DGKG: variants seen among roughly 807,000 people sequenced by gnomAD.
The protein encoded by DGKG is DAG kinase gamma.
A neutral mutation model predicts 105.3 loss-of-function variants in DGKG; 78 were observed. The ratio of observed to expected loss-of-function variants is 0.74; its 90% CI spans 0.62 to 0.89. DGKG has a LOEUF of 0.89. Among genes scored for constraint, DGKG ranks in the 40% least tolerant of loss-of-function variants. The pLI is 0.00. For synonymous variants in DGKG, 346 were observed against 367.1 expected, an observed-to-expected ratio of 0.94 and a Z score of 0.66; for missense variants, 958 against 1,020.1, an observed-to-expected ratio of 0.94 and a Z score of 0.83.
intron 3 of DGKG, among the ~76,000 whole-genome samples, chr3:186,304,053 G>C (rs1410731065): frequency 1.3e-5 from 2 of 152,206 alleles, no homozygotes; most frequent in African/African-American, 2.4e-5. Context: ...ACAAAAAGTG[G>C]GGGCCAGCCC....
chr3:186,207,393 G>A, intron 21 of DGKG: 2 of 942,844 alleles, frequency 2.1e-6, no homozygotes, highest in Non-Finnish European at 2.5e-6. Flanking sequence ...CTGATCACTT[G>A]TAGGTTATGG....
Position 186,211,870 on chromosome 3 carries a change from C to T in DGKG, c.1842G>A (p.Leu614=). The change falls in exon 21 of 25, where the codon CTG becomes CTA. Residue 614 remains leucine (L), a synonymous_variant. Coordinates refer to ENST00000265022, the MANE Select transcript of DGKG (RefSeq NM_001346.3). ...EKFNSRMKNK[L]WYFEFGTSET... ...CCGAGGTGCCAAATTCAAAGTACCACAGCTTGTTCTTCATCCTGGACCACA... is the reference window on the plus strand; with the variant it reads ...CCGAGGTGCCAAATTCAAAGTACCATAGCTTGTTCTTCATCCTGGACCACA... 1 of 1,614,064 alleles carries T rather than the reference C, an allele frequency of 6.2e-7. No homozygotes were observed.
In DGKG at chr3:186,299,834, T is replaced by C. The variant is rs9883787; in HGVS notation, c.145-1605A>G. On this transcript the variant is annotated intron_variant, in intron 3 of 24. Coordinates refer to ENST00000265022, the MANE Select transcript of DGKG (RefSeq NM_001346.3). ...CTTTCTTTCTTTCTTTCTTTCTTTC[T>C]TTCTTTTTTTTTTTTTTTGAGATAG... 4.4e-4 allele frequency among the ~76,000 whole-genome samples: 50 copies of C among 112,882 alleles called. 2 individuals carry two copies. The highest frequency in any genetic ancestry group is 1.7e-3 in the African/African-American group (49 of 28,074). The allele number at this position is 112,882 out of a possible 152,430, so 74.1% of individuals were successfully genotyped here.
At chr3:186,280,104 G>C in intron 8 of DGKG, 131 bp from the exon 9 acceptor site, 1 of 1,197,730 alleles carries the variant, frequency 8.3e-7, no homozygotes, top group Non-Finnish European at 1.2e-6. Context: ...TGTTAAGTGT[G>C]AATAGAGCAG....
intron 9 of DGKG, among the ~76,000 whole-genome samples, chr3:186,278,703 G>A (rs542665300): frequency 1.3e-5 from 2 of 152,264 alleles, no homozygotes; most frequent in Admixed American, 6.5e-5. Flanking sequence ...TCAGAAATGG[G>A]GGCTCAGCTT....
At chr3:186,299,840 T>TCTCTC (rs1553815789) in intron 3 of DGKG, among the ~76,000 whole-genome samples, 2 of 80,726 alleles carry the variant, frequency 2.5e-5, no homozygotes, top group African/African-American at 1.0e-4. Context: ...TTTCTTTCTT[T>TCTCTC]TTTTTTTTTT....
intron 5 of DGKG, among the ~76,000 whole-genome samples, chr3:186,292,746 T>G (rs1442830734): frequency 6.6e-6 from 1 of 151,806 alleles, no homozygotes; most frequent in Non-Finnish European, 1.5e-5. Flanking sequence ...AGGCAGAGGT[T>G]GCAGTGAACT....
At chr3:186,331,293 G>T (rs962880959) in intron 1 of DGKG, among the ~76,000 whole-genome samples, 3 of 152,178 alleles carry the variant, frequency 2.0e-5, no homozygotes, top group Non-Finnish European at 4.4e-5. Context: ...GAGTGTGGGG[G>T]CTGTAGCTGC....
chr3:186,172,995 A>AC (rs1716895366), intron 22 of DGKG, among the ~76,000 whole-genome samples: 2 of 151,988 alleles, frequency 1.3e-5, no homozygotes, highest in East Asian at 3.9e-4. Context: ...TTCCTCTGAG[A>AC]CCCCTCCCTT....
At chr3:186,206,390 AAAC>A (rs1399443067) in intron 21 of DGKG, among the ~76,000 whole-genome samples, 1 of 151,150 alleles carries the variant, frequency 6.6e-6, no homozygotes, top group Admixed American at 6.6e-5. Context: ...CAAAAAAACA[AAAC>A]AAAACAAAAC....
chr3:186,285,476 G>T (rs895291560), intron 6 of DGKG, among the ~76,000 whole-genome samples: 2 of 151,994 alleles, frequency 1.3e-5, no homozygotes, highest in Non-Finnish European at 2.9e-5. Context: ...CTTCAATCAC[G>T]TTCTAACTGC....
rs1330666844 is a variant in DGKG at position 186,238,895 on chromosome 3, T to C, written c.1826+3609A>G. 5.9e-5 allele frequency among the ~76,000 whole-genome samples: 9 copies of C among 152,322 alleles called. 1 individual carries two copies. The East Asian group carries it at 1.5e-3, about 26-fold the overall frequency. ...GAGAGGCCATGGAGGAAGAATTTCC[T>C]GAAACCCCAACATTTGAGTCATAAT... On this transcript the variant is annotated intron_variant, in intron 20 of 24. Transcript: ENST00000265022.
chr3:186,353,626 A>C (rs1578873252), intron 1 of DGKG, among the ~76,000 whole-genome samples: 1 of 129,970 alleles, frequency 7.7e-6, no homozygotes, highest in African/African-American at 3.3e-5. Flanking sequence ...TAGACTCTCT[A>C]TCTATATCTA....
intron 2 of DGKG, among the ~76,000 whole-genome samples, chr3:186,310,822 T>C (rs920317132): frequency 1.2e-4 from 19 of 152,236 alleles, no homozygotes; most frequent in Non-Finnish European, 2.9e-5. Flanking sequence ...GTGCTTATTA[T>C]ATGCTAGACG....
chr3:186,308,335 A>C (rs950983421), intron 2 of DGKG, among the ~76,000 whole-genome samples: 3 of 152,164 alleles, frequency 2.0e-5, no homozygotes, highest in Non-Finnish European at 4.4e-5. Context: ...TCTAGACATC[A>C]AAGCAAACCA....
chr3:186,275,810 C>A, intron 9 of DGKG, 146 bp from the exon 10 acceptor site: 1 of 564,406 alleles, frequency 1.8e-6, no homozygotes. Context: ...CAAATAAAAA[C>A]AAAATTTTTG....
intron 21 of DGKG, among the ~76,000 whole-genome samples, chr3:186,196,164 G>T (rs1347077409): frequency 1.5e-5 from 2 of 134,366 alleles, no homozygotes; most frequent in African/African-American, 5.6e-5. Flanking sequence ...TTAAGACTGA[G>T]TCTCACTCTG....
At chr3:186,220,113 A>G (rs1691752361) in intron 20 of DGKG, among the ~76,000 whole-genome samples, 1 of 152,264 alleles carries the variant, frequency 6.6e-6, no homozygotes, top group Non-Finnish European at 1.5e-5. Context: ...AATCAGTTAT[A>G]TCAGTTACTG....
At chr3:186,279,457 C>G (rs981416180) in intron 9 of DGKG, 3 of 156,172 alleles carry the variant, frequency 1.9e-5, no homozygotes, top group Non-Finnish European at 4.2e-5. Context: ...ATTTTTTCCT[C>G]TCTCCCTTCG....
Sources: gnomAD v4.1 joint callset for allele counts (sites outside exome capture counted in the v4.1 genomes callset) on GRCh38, gnomAD v4.1.1 for gene constraint, MANE v1.5 for transcripts, NCBI Gene and HGNC (gene_info 2026-07-23, HGNC 2026-07-21) for gene names.